Variants in RBFOX3 observed in about 807,000 individuals in gnomAD.
RBFOX3 encodes the protein RNA binding protein fox-1 homolog 3.
In RBFOX3, 17 loss-of-function variants were observed where a neutral mutation model predicts 48.7. That is an observed-to-expected ratio of 0.35 (90% CI 0.24 to 0.52). The LOEUF is 0.52. Among genes scored for constraint, RBFOX3 ranks in the 20% least tolerant of loss-of-function variants. The pLI, the probability that RBFOX3 is intolerant of heterozygous loss-of-function variation, is 0.94. For missense variants in RBFOX3, 382 were observed against 497.5 expected (o/e 0.77, Z 2.21); for synonymous variants, 212 against 209.5 (o/e 1.01, Z -0.10).
At chr17:79,210,514 G>A (rs34547368) in intron 4 of RBFOX3, among the ~76,000 whole-genome samples, 33,868 of 152,194 alleles carry the variant, frequency 0.22, 4,274 homozygotes, top group Admixed American at 0.33. Flanking sequence ...TCCCTTTACG[G>A]CGGACAGGTA....
chr17:79,159,427 C>A (rs1233684531), intron 4 of RBFOX3, among the ~76,000 whole-genome samples: 1 of 152,302 alleles, frequency 6.6e-6, no homozygotes, highest in East Asian at 1.9e-4. Context: ...CCAAGCCGCA[C>A]AGGAAAGCCA....
chr17:79,549,151 G>A (rs1312768482), intron 1 of RBFOX3, among the ~76,000 whole-genome samples: 2 of 152,180 alleles, frequency 1.3e-5, no homozygotes, highest in Non-Finnish European at 2.9e-5. Flanking sequence ...GGAAGGCTAG[G>A]GAAAGCCTTG....
Position 79,262,401 on chromosome 17 carries a change from T to C in RBFOX3, c.-73-26596A>G, listed in dbSNP as rs189976917. Among the ~76,000 whole-genome samples, 15 of 152,374 alleles carry C rather than the reference T, an allele frequency of 9.8e-5. No individual in the cohort carries two copies. In the East Asian group the frequency reaches 1.2e-3, roughly 12 times the overall value. ...TCCCACTGAGGGGACACGGTCCCTC[T>C]CCTTGGTTTCCCTGCCAGGACTTGC... On this transcript the variant is annotated intron_variant, in intron 3 of 14. Transcript: ENST00000693108.
chr17:79,465,921 G>A (rs1258480475), intron 2 of RBFOX3, among the ~76,000 whole-genome samples: 2 of 152,160 alleles, frequency 1.3e-5, no homozygotes, highest in Non-Finnish European at 2.9e-5. Context: ...ATCTGTCCTC[G>A]ATGTCTGCAC....
At chr17:79,244,803 C>T (rs1036963860) in intron 3 of RBFOX3, among the ~76,000 whole-genome samples, 3 of 146,402 alleles carry the variant, frequency 2.0e-5, no homozygotes, top group Non-Finnish European at 4.5e-5. Context: ...CTTCCTTCCC[C>T]CTCTCCTTTA....
intron 2 of RBFOX3, among the ~76,000 whole-genome samples, chr17:79,371,724 T>C (rs545770060): frequency 4.1e-4 from 63 of 152,080 alleles, no homozygotes; most frequent in African/African-American, 1.5e-3. Flanking sequence ...GGAAACCACG[T>C]GTTAAAGATG....
rs776796401 is a variant in RBFOX3, at chr17:79,115,644, C to A, written c.72G>T (p.Pro24=). The A allele has an allele frequency of 4.1e-6, 4 of 978,062 alleles. No individual in the cohort carries two copies. Among genetic ancestry groups the A allele is most frequent in the Non-Finnish European group, 3.7e-6 (3 of 810,616 alleles). The allele number at this position is 978,062 out of a possible 1,614,324, so 60.6% of individuals were successfully genotyped here. A position where few individuals can be genotyped will look rare whatever the true frequency, so the allele number is the denominator to read the frequency against. The part of the protein sequence containing the change: ...PQNGIPAEYA[P]PPPHPTQDYS... ...AGTCCTGCGTGGGGTGCGGTGGGGGCGGGGCGTACTCGGCAGGGATGCCGT... is the reference window on the plus strand; with the variant it reads ...AGTCCTGCGTGGGGTGCGGTGGGGGAGGGGCGTACTCGGCAGGGATGCCGT... Residue 24 remains proline, a synonymous_variant, in exon 5 of 15, where the codon CCG becomes CCT. Transcript: ENST00000693108.
intron 1 of RBFOX3, among the ~76,000 whole-genome samples, chr17:79,583,898 G>C (rs2093156491): frequency 6.6e-6 from 1 of 152,142 alleles, no homozygotes; most frequent in Non-Finnish European, 1.5e-5. Flanking sequence ...GCTTTAGGAG[G>C]TGAGAGGGGA....
chr17:79,247,819 G>A (rs2063383339), intron 3 of RBFOX3, among the ~76,000 whole-genome samples: 1 of 152,240 alleles, frequency 6.6e-6, no homozygotes. Context: ...AGCTGGGATG[G>A]TTGGTAAACC....
chr17:79,665,201 T>C, the RBFOX3 span, among the ~76,000 whole-genome samples: 3 of 152,266 alleles, frequency 2.0e-5, no homozygotes, highest in African/African-American at 7.2e-5. Context: ...AGATTTGTCC[T>C]GAGCTCTCGA....
intron 1 of RBFOX3, among the ~76,000 whole-genome samples, chr17:79,604,539 G>T (rs1297383276): frequency 6.6e-6 from 1 of 152,184 alleles, no homozygotes; most frequent in East Asian, 1.9e-4. Context: ...TGATTCCAAG[G>T]TGCCCAGAAG....
At position 79,356,556 on chromosome 17, in the gene RBFOX3, G is replaced by A. The variant is rs914697157; in HGVS notation, c.-174-48732C>T. Among the ~76,000 whole-genome samples the A allele has an allele frequency of 3.1e-4, 47 of 150,758 alleles. 1 individual carries two copies. The highest frequency in any genetic ancestry group is 9.7e-4 in the African/African-American group (40 of 41,054). On this transcript the variant is annotated intron_variant, in intron 2 of 14. Coordinates refer to ENST00000693108, the MANE Select transcript of RBFOX3 (RefSeq NM_001350451.2). ...GCTAATTTTTGTATTTTTATTAGAG[G>A]CAGGGTTTCACCATGTTGGCCAGGC...
chr17:79,096,156 T>C (rs1264194282), intron 12 of RBFOX3, among the ~76,000 whole-genome samples: 1 of 152,150 alleles, frequency 6.6e-6, no homozygotes, highest in Non-Finnish European at 1.5e-5. Context: ...ACATGGGGTG[T>C]GGCCGTCAGT....
At chr17:79,135,322 G>A (rs1299956637) in intron 4 of RBFOX3, among the ~76,000 whole-genome samples, 2 of 152,158 alleles carry the variant, frequency 1.3e-5, no homozygotes, top group Admixed American at 1.3e-4. Context: ...CCTGGGGAAG[G>A]AGCCAGGCCA....
intron 12 of RBFOX3, 36 bp from the exon 13 acceptor site, chr17:79,095,610 C>G (rs2075069532): frequency 1.4e-5 from 22 of 1,531,434 alleles, no homozygotes; most frequent in Non-Finnish European, 1.9e-5. Context: ...AGCAGAGGGA[C>G]TTAGTGGGGC....
chr17:79,403,840 C>T (rs529410664), intron 2 of RBFOX3, among the ~76,000 whole-genome samples: 25 of 141,110 alleles, frequency 1.8e-4, no homozygotes, highest in East Asian at 4.2e-4. Context: ...AGTACAGTGG[C>T]GCGATCTCGG....
chr17:79,459,933 A>G (rs1171783000), intron 2 of RBFOX3, among the ~76,000 whole-genome samples: 1 of 152,164 alleles, frequency 6.6e-6, no homozygotes, highest in African/African-American at 2.4e-5. Context: ...GATAAACTCA[A>G]TGGTAGGTCC....
At chr17:79,598,533 G>A (rs2093627859) in intron 1 of RBFOX3, 1 of 152,318 alleles carries the variant, frequency 6.6e-6, no homozygotes, top group East Asian at 1.9e-4. Flanking sequence ...GAAGTGCAAT[G>A]TTGGAAAATC....
At chr17:79,504,994 T>C (rs1452773404) in intron 1 of RBFOX3, among the ~76,000 whole-genome samples, 2 of 152,156 alleles carry the variant, frequency 1.3e-5, no homozygotes, top group Admixed American at 6.5e-5. Context: ...GATTCTAGCA[T>C]TGCCTAGTGA....
Sources: allele counts gnomAD v4.1 joint callset (sites outside exome capture counted in the v4.1 genomes callset), GRCh38; gene constraint gnomAD v4.1.1; transcripts MANE v1.5; gene names NCBI Gene and HGNC (gene_info 2026-07-23, HGNC 2026-07-21).